The following DMWD variants were observed in gnomAD, a reference collection of about 807,000 sequenced individuals.
DMWD encodes the protein dystrophia myotonica WD repeat-containing protein.
In DMWD, 19 loss-of-function variants were observed where a neutral mutation model predicts 45.8. That is an observed-to-expected ratio of 0.41 (90% CI 0.29 to 0.61). The LOEUF (loss-of-function observed/expected upper bound fraction) is 0.61. DMWD is among the 20% of genes least tolerant of loss of function. DMWD has a pLI of 0.25. For synonymous variants in DMWD, 515 were observed against 440.5 expected, an observed-to-expected ratio of 1.17 and a Z score of -2.12; for missense variants, 802 against 965.2, an observed-to-expected ratio of 0.83 and a Z score of 2.24.
At chr19:45,788,599 A>G (rs868826978) in intron 2 of DMWD, among the ~76,000 whole-genome samples, 1 of 152,186 alleles carries the variant, frequency 6.6e-6, no homozygotes, top group African/African-American at 2.4e-5. Flanking sequence ...GCTTCTGTGC[A>G]ATCCTGCATT....
chr19:45,784,541 G>C, intron 4 of DMWD, 100 bp downstream of exon 4: 1 of 1,582,994 alleles, frequency 6.3e-7, no homozygotes, highest in South Asian at 1.1e-5. Context: ...TGAGACCATG[G>C]GGTAAGGGTA....
intron 2 of DMWD, chr19:45,787,293 A>G: frequency 3.9e-6 from 1 of 254,734 alleles, no homozygotes; most frequent in Admixed American, 5.1e-5. Flanking sequence ...CCAGCCTCCT[A>G]CCGGAGCAGC....
In DMWD at chr19:45,786,477, T is replaced by A. The variant is rs776514929; in HGVS notation, c.1019A>T (p.Tyr340Phe). The A allele has an allele frequency of 1.9e-6, 3 of 1,612,974 alleles. No homozygotes were observed. Among genetic ancestry groups the A allele is most frequent in the Non-Finnish European group, 2.5e-6 (3 of 1,179,098 alleles). ...GTCATCTTCGCCACCCGTCACCACG[T>A]AGCGGCCGTCAGGGCTCCAGCACAC... ...LCVCWSPDGR[Y>F]VVTGGEDDLV... Residue 340 changes from tyrosine (Y) to phenylalanine (F), a missense_variant, in exon 3 of 5, where the codon TAC becomes TTC. Around this residue, in one of 9 missense-constraint regions of DMWD, gnomAD observed 146 missense variants for 212.8 expected, o/e 0.69. Transcript: ENST00000270223.
intron 3 of DMWD, 57 bp downstream of exon 3, chr19:45,785,537 C>T: frequency 7.0e-7 from 1 of 1,431,362 alleles, no homozygotes; most frequent in Non-Finnish European, 9.2e-7. Flanking sequence ...CCAATGCCTG[C>T]CTCTTCCCAC....
rs974820010 is a variant in DMWD at position 45,786,263 on chromosome 19, G to C, written c.1233C>G (p.Gly411=). The change falls in exon 3 of 5, where the codon GGC becomes GGG. Residue 411 remains glycine, a synonymous_variant. Coordinates refer to ENST00000270223, the MANE Select transcript of DMWD (RefSeq NM_004943.2). ...EEEEPEAAGT[G]SAGGAPLSPL... is the part of the protein sequence containing the mutation. ...GAGAGAGCGGGGCGCCCCCGGCCGAGCCTGTGCCCGCAGCCTCGGGCTCCT... is the reference window on the plus strand; with the variant it reads ...GAGAGAGCGGGGCGCCCCCGGCCGACCCTGTGCCCGCAGCCTCGGGCTCCT... 3.7e-6 allele frequency: 6 copies of C among 1,606,372 alleles called. No homozygotes were observed. The African/African-American group carries it at 8.0e-5, about 21-fold the overall frequency.
intron 1 of DMWD, among the ~76,000 whole-genome samples, chr19:45,791,921 C>A (rs546507345): frequency 6.6e-6 from 1 of 152,166 alleles, no homozygotes; most frequent in African/African-American, 2.4e-5. Flanking sequence ...CTCTCCCACA[C>A]CTCCAGGCTG....
intron 2 of DMWD, among the ~76,000 whole-genome samples, chr19:45,788,951 C>T (rs143568210): frequency 0.01 from 1,551 of 151,006 alleles, 27 homozygotes; most frequent in African/African-American, 0.036. Flanking sequence ...AAAAAAAATG[C>T]CCTTCCCCAG....
Position 45,792,640 on chromosome 19 carries a change from G to A in DMWD, c.117C>T (p.Asp39=), listed in dbSNP as rs1452001207. 3 of 1,334,924 alleles carry A rather than the reference G, an allele frequency of 2.2e-6. No homozygotes were observed. The highest frequency in any genetic ancestry group is 2.9e-6 in the Non-Finnish European group (3 of 1,026,962). The allele number at this position is 1,334,924 out of a possible 1,614,324, so 82.7% of individuals were successfully genotyped here. The change falls in exon 1 of 5, where the codon GAC becomes GAT. Residue 39 remains aspartate, a synonymous_variant. Transcript: ENST00000270223. ...REGFYKLLPG[D]GAARRSGPAS... Reference sequence around the variant, plus strand: ...CCGGACCCGACCTGCGAGCGGCGCCGTCGCCCGGGAGTAGCTTGTAGAAAC... The same window carrying A: ...CCGGACCCGACCTGCGAGCGGCGCCATCGCCCGGGAGTAGCTTGTAGAAAC...
Position 45,786,590 on chromosome 19 carries a change from C to A in DMWD, c.906G>T (p.Val302=). 5.6e-6 allele frequency: 9 copies of A among 1,613,920 alleles called. No individual in the cohort carries two copies. The highest frequency in any genetic ancestry group is 7.6e-6 in the Non-Finnish European group (9 of 1,179,910). ...FSPDGRHLAC[V]SQDGCLRVFH... ...AGACGCGCAGGCAGCCATCCTGGCT[C>A]ACACAGGCCAGGTGCCGGCCATCGG... Residue 302 remains valine (V), a synonymous_variant, in exon 3 of 5, where the codon GTG becomes GTT. Transcript: ENST00000270223.
At position 45,792,815 on chromosome 19, in the gene DMWD, C is replaced by A; in HGVS notation, c.-59G>T. ...CTGCCGCCCGCAGCCGGGCCCCCTCCCGGAAGCCGCTGGCCCGCGCCGGAA... is the reference window on the plus strand; with the variant it reads ...CTGCCGCCCGCAGCCGGGCCCCCTCACGGAAGCCGCTGGCCCGCGCCGGAA... On this transcript the variant is annotated 5_prime_UTR_variant, in exon 1 of 5. Transcript: ENST00000270223. The A allele has an allele frequency of 9.3e-7, 1 of 1,076,972 alleles. No individual in the cohort carries two copies. The highest frequency in any genetic ancestry group is 1.1e-6 in the Non-Finnish European group (1 of 889,854). 66.7% of individuals were successfully genotyped at this position (1,076,972 alleles called of 1,614,324 possible).
At position 45,788,192 on chromosome 19, in the gene DMWD, T is replaced by A. The variant is rs554293786; in HGVS notation, c.625-1321A>T. Among the ~76,000 whole-genome samples the A allele has an allele frequency of 2.9e-3, 441 of 152,356 alleles. 4 individuals are homozygous for A. Among genetic ancestry groups the A allele is most frequent in the African/African-American group, 1.0e-2 (415 of 41,582 alleles). On this transcript the variant is annotated intron_variant, in intron 2 of 4. Coordinates refer to ENST00000270223, the MANE Select transcript of DMWD (RefSeq NM_004943.2). ...GGCCTCAGGCTCCAATGCCTGGGCC[T>A]GTCTGTCCTCTGCAGCCGCCACAGC...
intron 2 of DMWD, among the ~76,000 whole-genome samples, chr19:45,789,076 C>T (rs965907573): frequency 1.3e-5 from 2 of 152,176 alleles, no homozygotes; most frequent in African/African-American, 4.8e-5. Context: ...TTCCCCACTG[C>T]TTCTTCTAAA....
chr19:45,784,691 G>T lies in DMWD; in HGVS notation c.1927C>A (p.Gln643Lys). The T allele has an allele frequency of 6.2e-7, 1 of 1,613,584 alleles. No homozygotes were observed. Residue 643 changes from glutamine (Q) to lysine (K), a missense_variant, in exon 4 of 5, where the codon CAG (glutamine) becomes AAG (lysine). Coordinates refer to ENST00000270223, the MANE Select transcript of DMWD (RefSeq NM_004943.2). ...CTGGGCCAACTTCCTTCCCCTGTCT[G>T]GGCCTCGGTCTCCTCGTCTGTGAAC... The part of the protein sequence containing the change: ...KAFTDEETEA[Q>K]TGEGSWPRSP...
intron 1 of DMWD, 22 bp from the exon 2 acceptor site, chr19:45,791,109 A>T: frequency 6.3e-7 from 1 of 1,595,760 alleles, no homozygotes; most frequent in Non-Finnish European, 8.5e-7. Flanking sequence ...GGAGAAAAGG[A>T]GTTAATGGTG....
chr19:45,783,217 CG>C lies in DMWD; in HGVS notation c.*1025del, dbSNP rs557504719. 7.5e-5 allele frequency: 14 copies of C among 186,826 alleles called. No individual in the cohort carries two copies. In the South Asian group the frequency reaches 2.7e-3, roughly 37 times the overall value. The allele number at this position is 186,826 out of a possible 1,614,324, so 11.6% of individuals were successfully genotyped here. ...GCTGGGATTAGAAACAGAAACATTT[CG>C]GGGGGTGGAGGGTGGCGCGGGAAGA... On this transcript the variant is annotated 3_prime_UTR_variant, in exon 5 of 5. Coordinates refer to ENST00000270223, the MANE Select transcript of DMWD (RefSeq NM_004943.2).
chr19:45,785,548 G>C, intron 3 of DMWD, 46 bp downstream of exon 3: 1 of 1,433,968 alleles, frequency 7.0e-7, no homozygotes, highest in Non-Finnish European at 9.2e-7. Context: ...CTCTTCCCAC[G>C]AAAGGTCCTG....
chr19:45,792,098 G>T (rs772499404), intron 1 of DMWD, among the ~76,000 whole-genome samples: 1 of 152,036 alleles, frequency 6.6e-6, no homozygotes, highest in East Asian at 1.9e-4. Flanking sequence ...GGGGTAAAGG[G>T]GATTTCCCCC....
At position 45,785,786 on chromosome 19, in the gene DMWD, G is replaced by A; in HGVS notation, c.1710C>T (p.Arg570=). The A allele has an allele frequency of 1.2e-6, 2 of 1,611,780 alleles. No individual in the cohort carries two copies. The highest frequency in any genetic ancestry group is 1.7e-6 in the Non-Finnish European group (2 of 1,179,350). ...GGEKPSGPVP[R]SRLDPAKVLG... is the part of the protein sequence containing the mutation. ...GCACCTTGGCGGGGTCCAGGCGGCT[G>A]CGGGGAACAGGGCCGCTGGGCTTCT... Residue 570 remains arginine (R), a synonymous_variant, in exon 3 of 5, where the codon CGC becomes CGT. Transcript: ENST00000270223.
chr19:45,786,853 T>G lies in DMWD; in HGVS notation c.643A>C (p.Lys215Gln). 1 of 1,613,922 alleles carries G rather than the reference T, an allele frequency of 6.2e-7. No individual in the cohort carries two copies. Among genetic ancestry groups the G allele is most frequent in the Non-Finnish European group, 8.5e-7 (1 of 1,179,970 alleles). Residue 215 changes from lysine (K) to glutamine (Q), a missense_variant, in exon 3 of 5, where the codon AAG becomes CAG. Coordinates refer to ENST00000270223, the MANE Select transcript of DMWD (RefSeq NM_004943.2). ...FNEERLIDKT[K>Q]VTYLKWLPES... ...GGCAGCCACTTCAGATATGTCACCT[T>G]GGTCTTGTCGATCAACCGCTGCCAG...
Sources: gnomAD v4.1 joint callset for allele counts (sites outside exome capture counted in the v4.1 genomes callset) on GRCh38, gnomAD v4.1.1 for gene constraint, gnomAD v4.1.1 regional missense constraint, MANE v1.5 for transcripts, NCBI Gene and HGNC (gene_info 2026-07-23, HGNC 2026-07-21) for gene names.